Variants in LRP2 observed in about 807,000 individuals in gnomAD.
LRP2 encodes the protein low-density lipoprotein receptor-related protein 2.
Under a neutral mutation model 531.0 loss-of-function variants are expected in LRP2, and 172 were observed. That is an observed-to-expected ratio of 0.32 (90% CI 0.29 to 0.37). The LOEUF is 0.37. LRP2 is among the 10% of genes least tolerant of loss of function. The pLI is 1.00. For missense variants in LRP2, 5,167 were observed against 5,868.3 expected, an observed-to-expected ratio of 0.88 and a Z score of 3.90; for synonymous variants, 1,992 against 2,027.6, an observed-to-expected ratio of 0.98 and a Z score of 0.47.
chr2:169,313,140 G>A (rs1294422039), intron 3 of LRP2, among the ~76,000 whole-genome samples: 1 of 152,170 alleles, frequency 6.6e-6, no homozygotes, highest in Non-Finnish European at 1.5e-5. Context: ...TCTTTGCGAT[G>A]GGTTTGAACA....
intron 29 of LRP2, among the ~76,000 whole-genome samples, chr2:169,233,833 C>T (rs1402645057): frequency 6.6e-6 from 1 of 152,200 alleles, no homozygotes; most frequent in Non-Finnish European, 1.5e-5. Context: ...TTGGTAATTA[C>T]ACTGGGCATC....
chr2:169,349,396 G>C (rs1418914683), intron 1 of LRP2, among the ~76,000 whole-genome samples: 1 of 152,168 alleles, frequency 6.6e-6, no homozygotes, highest in Non-Finnish European at 1.5e-5. Context: ...GGGAAAACAA[G>C]GATATCACTG....
chr2:169,243,986 T>G (rs946259042), intron 22 of LRP2, among the ~76,000 whole-genome samples: 1 of 152,244 alleles, frequency 6.6e-6, no homozygotes, highest in Non-Finnish European at 1.5e-5. Context: ...GGTCCTACCT[T>G]ACTGTTAAGA....
rs753316477 is a variant in LRP2, at chr2:169,244,899, C to T, written c.3224G>A (p.Gly1075Asp). The stretch of plus-strand genomic sequence containing the variant: ...GTGTGCAGGAATGCACTCCCCATGG[C>T]CACAGGTGAACGCCGAAGATGAACA... ...NTCSSSAFTC[G>D]HGECIPAHWR... The change falls in exon 22 of 79, where the codon GGC (glycine) becomes GAC (aspartate). Residue 1075 changes from glycine to aspartate, a missense_variant. Coordinates refer to ENST00000649046, the MANE Select transcript of LRP2 (RefSeq NM_004525.3). 3 of 1,614,122 alleles carry T rather than the reference C, an allele frequency of 1.9e-6. No individual in the cohort carries two copies. The highest frequency in any genetic ancestry group is 2.5e-6 in the Non-Finnish European group (3 of 1,180,054).
At chr2:169,335,829 C>T (rs950684922) in intron 1 of LRP2, among the ~76,000 whole-genome samples, 3 of 152,074 alleles carry the variant, frequency 2.0e-5, no homozygotes, top group African/African-American at 7.2e-5. Flanking sequence ...GCCTGGCCAG[C>T]ATGGCAAAAC....
At chr2:169,318,617 T>G in intron 3 of LRP2, 145 bp downstream of exon 3, 480 of 1,093,188 alleles carry the variant, frequency 4.4e-4, no homozygotes, top group Non-Finnish European at 5.7e-4. Flanking sequence ...AACCCCTGAA[T>G]GAGATTGCTG....
chr2:169,213,601 T>C, intron 36 of LRP2, 56 bp downstream of exon 36: 3 of 1,357,334 alleles, frequency 2.2e-6, no homozygotes, highest in Non-Finnish European at 3.2e-6. Context: ...CAAATGTGAG[T>C]TATGTGTGAA....
intron 16 of LRP2, among the ~76,000 whole-genome samples, chr2:169,261,863 G>A (rs913293125): frequency 3.9e-5 from 6 of 151,934 alleles, no homozygotes; most frequent in East Asian, 3.9e-4. Context: ...CTGGCAAACC[G>A]AATCCAGCAG....
At chr2:169,233,046 C>T (rs1689468154) in intron 30 of LRP2, among the ~76,000 whole-genome samples, 1 of 152,128 alleles carries the variant, frequency 6.6e-6, no homozygotes, top group South Asian at 2.1e-4. Context: ...ATAAACTAGT[C>T]CTAAAAGTAA....
At chr2:169,327,789 C>T (rs1298802084) in intron 1 of LRP2, among the ~76,000 whole-genome samples, 6 of 115,622 alleles carry the variant, frequency 5.2e-5, no homozygotes, top group East Asian at 3.0e-4. Context: ...CCAGCCGCCC[C>T]GTCTGGGAGG....
chr2:169,140,688 G>T lies in LRP2; in HGVS notation c.13109-143C>A, dbSNP rs184738575. The T allele has an allele frequency of 7.4e-4, 475 of 638,414 alleles. 1 individual carries two copies. The African/African-American group carries it at 7.9e-3, about 11-fold the overall frequency. The allele number at this position is 638,414 out of a possible 1,614,324, so 39.5% of individuals were successfully genotyped here. ...CTGTCAAAGCTTACCTTCCCCCTAA[G>T]TCCAGTGAGTTTCCTTAAGGTCTTG... On this transcript the variant is annotated intron_variant, in intron 71 of 78. Coordinates refer to ENST00000649046, the MANE Select transcript of LRP2 (RefSeq NM_004525.3).
chr2:169,260,301 G>C (rs1223984662), intron 16 of LRP2, among the ~76,000 whole-genome samples: 1 of 152,072 alleles, frequency 6.6e-6, no homozygotes, highest in Non-Finnish European at 1.5e-5. Flanking sequence ...ATTCCTAATG[G>C]GCCACATGGC....
intron 70 of LRP2, 114 bp from the exon 71 acceptor site, chr2:169,142,907 C>T: frequency 1.7e-6 from 2 of 1,152,790 alleles, no homozygotes; most frequent in Non-Finnish European, 2.6e-6. Flanking sequence ...CCTCTCAATA[C>T]CTCTCGTCCA....
At chr2:169,203,017 A>G in intron 42 of LRP2, 58 bp from the exon 43 acceptor site, 1 of 1,422,212 alleles carries the variant, frequency 7.0e-7, no homozygotes, top group Non-Finnish European at 9.9e-7. Flanking sequence ...GTTCACATTG[A>G]CCCCTCCACA....
At chr2:169,185,381 C>T in intron 50 of LRP2, 122 bp downstream of exon 50, 1 of 892,052 alleles carries the variant, frequency 1.1e-6, no homozygotes, top group Non-Finnish European at 1.7e-6. Context: ...AATAAACCTG[C>T]AGAAACATTA....
chr2:169,129,058 T>C lies in LRP2; in HGVS notation c.13755A>G (p.Arg4585=). ...CAAAGTTGGTAGTTTGTTTAGATTT[T>C]CGTTTGAAGAGATTCCATTTTGTCA... is the stretch of plus-strand genomic sequence containing the variant. ...TQVTKWNLFK[R]KSKQTTNFEN... Residue 4585 remains arginine, a synonymous_variant, in exon 78 of 79, where the codon CGA becomes CGG. Transcript: ENST00000649046. The C allele has an allele frequency of 6.2e-7, 1 of 1,612,190 alleles. No individual in the cohort carries two copies. The highest frequency in any genetic ancestry group is 8.5e-7 in the Non-Finnish European group (1 of 1,178,252).
At chr2:169,233,177 T>C (rs1431681481) in intron 30 of LRP2, among the ~76,000 whole-genome samples, 1 of 152,236 alleles carries the variant, frequency 6.6e-6, no homozygotes, top group Non-Finnish European at 1.5e-5. Flanking sequence ...AGCCAAATGC[T>C]GAAATGATAT....
chr2:169,146,711 A>C, intron 69 of LRP2, 28 bp downstream of exon 69: 1 of 1,500,216 alleles, frequency 6.7e-7, no homozygotes, highest in East Asian at 2.3e-5. Context: ...TATTAATTTA[A>C]TATATTACTT....
intron 62 of LRP2, among the ~76,000 whole-genome samples, chr2:169,165,373 A>G (rs1686746092): frequency 6.6e-6 from 1 of 152,224 alleles, no homozygotes; most frequent in Admixed American, 6.5e-5. Context: ...CAATGCCTCG[A>G]TTGTTAAATG....
Sources: gnomAD v4.1 joint callset for allele counts (sites outside exome capture counted in the v4.1 genomes callset) on GRCh38, gnomAD v4.1.1 for gene constraint, MANE v1.5 for transcripts, NCBI Gene and HGNC (gene_info 2026-07-23, HGNC 2026-07-21) for gene names.